Variants in IFT80 observed in about 807,000 individuals in gnomAD.
IFT80 encodes the protein intraflagellar transport protein 80 homolog.
In IFT80, 79 loss-of-function variants were observed where a neutral mutation model predicts 107.9. The ratio of observed to expected loss-of-function variants is 0.73; its 90% CI spans 0.61 to 0.88. IFT80 has a LOEUF of 0.88. IFT80 is among the 40% of genes least tolerant of loss of function. IFT80 has a pLI of 0.00. For missense variants in IFT80, 797 were observed against 914.2 expected (o/e 0.87, Z 1.65); for synonymous variants, 299 against 300.9 (o/e 0.99, Z 0.07).
intron 9 of IFT80, among the ~76,000 whole-genome samples, chr3:160,309,550 G>A (rs1394648303): frequency 1.3e-5 from 2 of 152,262 alleles, no homozygotes; most frequent in African/African-American, 2.4e-5. Context: ...AGCCAGGCGT[G>A]ATGGCAGGCC....
chr3:160,390,075 T>C (rs1029527800), intron 1 of IFT80, among the ~76,000 whole-genome samples: 1 of 152,038 alleles, frequency 6.6e-6, no homozygotes, highest in African/African-American at 2.4e-5. Context: ...CTCTGACATA[T>C]GGGAGTTTGG....
chr3:160,320,587 T>TTAA (rs1718134554), intron 8 of IFT80, among the ~76,000 whole-genome samples: 1 of 151,890 alleles, frequency 6.6e-6, no homozygotes, highest in African/African-American at 2.4e-5. Flanking sequence ...AACAAACTTT[T>TTAA]TAATACATGG....
At chr3:160,288,406 T>C (rs532150877) in intron 12 of IFT80, among the ~76,000 whole-genome samples, 2 of 152,120 alleles carry the variant, frequency 1.3e-5, no homozygotes, top group African/African-American at 4.8e-5. Context: ...ACCTAGGCAA[T>C]ACCATTCTGG....
chr3:160,294,714 T>G (rs561035535), intron 12 of IFT80, among the ~76,000 whole-genome samples: 13 of 152,326 alleles, frequency 8.5e-5, no homozygotes, highest in Non-Finnish European at 2.9e-5. Flanking sequence ...TATGGAGAAG[T>G]CTTGAAGAAC....
At chr3:160,377,747 C>T (rs1367460443) in intron 3 of IFT80, 10 of 388,616 alleles carry the variant, frequency 2.6e-5, no homozygotes, top group East Asian at 2.4e-4. Context: ...CATATGCTTA[C>T]GTGGTTCAAA....
At chr3:160,325,250 T>G (rs1459448702) in intron 8 of IFT80, among the ~76,000 whole-genome samples, 1 of 152,102 alleles carries the variant, frequency 6.6e-6, no homozygotes, top group Non-Finnish European at 1.5e-5. Flanking sequence ...AAGCTACCAA[T>G]GACTTTCTTC....
At chr3:160,323,703 T>C (rs2108304800) in intron 8 of IFT80, among the ~76,000 whole-genome samples, 1 of 151,308 alleles carries the variant, frequency 6.6e-6, no homozygotes, top group African/African-American at 2.4e-5. Flanking sequence ...CACCCTAACA[T>C]CACAATTAAA....
At chr3:160,346,514 T>C (rs1015567928) in intron 8 of IFT80, among the ~76,000 whole-genome samples, 3 of 152,244 alleles carry the variant, frequency 2.0e-5, no homozygotes, top group Non-Finnish European at 2.9e-5. Flanking sequence ...GTTTCTCATA[T>C]GCCTTGTAAT....
chr3:160,335,644 A>G (rs905772799), intron 8 of IFT80, among the ~76,000 whole-genome samples: 1 of 152,146 alleles, frequency 6.6e-6, no homozygotes, highest in African/African-American at 2.4e-5. Flanking sequence ...CCTTAGGCAA[A>G]TTTTCTTTTA....
intron 8 of IFT80, among the ~76,000 whole-genome samples, chr3:160,335,614 C>T (rs1719413541): frequency 6.6e-6 from 1 of 152,188 alleles, no homozygotes; most frequent in Admixed American, 6.5e-5. Flanking sequence ...TTTAAAACTT[C>T]TTTTTGCATT....
intron 8 of IFT80, among the ~76,000 whole-genome samples, chr3:160,320,916 T>C (rs1023957441): frequency 6.6e-6 from 1 of 151,846 alleles, no homozygotes; most frequent in South Asian, 2.1e-4. Flanking sequence ...GACTTTAAAA[T>C]TCCTAATGAA....
intron 8 of IFT80, among the ~76,000 whole-genome samples, chr3:160,350,242 C>G (rs978455468): frequency 1.3e-5 from 2 of 151,412 alleles, no homozygotes; most frequent in Admixed American, 1.3e-4. Context: ...TGGTGAAACC[C>G]CGTATCTACT....
At chr3:160,348,479 T>G (rs1274725147) in intron 8 of IFT80, among the ~76,000 whole-genome samples, 1 of 152,196 alleles carries the variant, frequency 6.6e-6, no homozygotes, top group Non-Finnish European at 1.5e-5. Context: ...ATTTGAACAC[T>G]GGACAGCAAT....
chr3:160,295,889 C>G (rs1421696371), intron 12 of IFT80, among the ~76,000 whole-genome samples: 11 of 152,154 alleles, frequency 7.2e-5, no homozygotes, highest in Admixed American at 7.2e-4. Flanking sequence ...AACTGAAAAG[C>G]TAGTCACAGA....
intron 8 of IFT80, among the ~76,000 whole-genome samples, chr3:160,351,150 G>A (rs958901255): frequency 2.0e-5 from 3 of 151,706 alleles, no homozygotes; most frequent in South Asian, 4.2e-4. Flanking sequence ...GTTATATCAC[G>A]TCAGACTATT....
At chr3:160,272,149 G>A (rs562397307) in intron 18 of IFT80, among the ~76,000 whole-genome samples, 1 of 152,222 alleles carries the variant, frequency 6.6e-6, no homozygotes, top group Admixed American at 6.5e-5. Flanking sequence ...AATAGGAGAA[G>A]CTATAGATTA....
chr3:160,344,975 C>T (rs1043944461), intron 8 of IFT80, among the ~76,000 whole-genome samples: 1 of 152,146 alleles, frequency 6.6e-6, no homozygotes, highest in Non-Finnish European at 1.5e-5. Context: ...GAAGGGAACA[C>T]TCATATACCG....
intron 12 of IFT80, among the ~76,000 whole-genome samples, chr3:160,292,958 G>C (rs1046499379): frequency 6.6e-6 from 1 of 152,170 alleles, no homozygotes; most frequent in African/African-American, 2.4e-5. Context: ...GGACCTGATA[G>C]GATGGGTTGT....
chr3:160,394,507 G>T (rs1713628269), intron 1 of IFT80, among the ~76,000 whole-genome samples: 2 of 152,170 alleles, frequency 1.3e-5, no homozygotes, highest in South Asian at 4.1e-4. Flanking sequence ...AAGTGTATGT[G>T]TACGCTGTGG....
Sources: allele counts gnomAD v4.1 joint callset (sites outside exome capture counted in the v4.1 genomes callset), GRCh38; gene constraint gnomAD v4.1.1; transcripts MANE v1.5; gene names NCBI Gene and HGNC (gene_info 2026-07-23, HGNC 2026-07-21).